RUVBL1: variants seen among roughly 807,000 people sequenced by gnomAD.
RUVBL1 encodes the protein RuvB like AAA ATPase 1.
A neutral mutation model predicts 52.4 loss-of-function variants in RUVBL1; 4 were observed. That is an observed-to-expected ratio of 0.08 (90% confidence interval 0.04 to 0.17). RUVBL1 has a LOEUF of 0.17. Ranked by LOEUF, RUVBL1 falls within the 10% of genes least tolerant of loss-of-function variation. The probability of loss-of-function intolerance (pLI) is 1.00; values close to 1 mark genes in which losing one functional copy is unlikely to be tolerated. For synonymous variants in RUVBL1, 217 were observed against 214.4 expected, an observed-to-expected ratio of 1.01 and a Z score of -0.10; for missense variants, 298 against 572.8, an observed-to-expected ratio of 0.52 and a Z score of 4.90.
At chr3:128,093,968 C>T (rs1360471376) in intron 8 of RUVBL1, among the ~76,000 whole-genome samples, 1 of 152,158 alleles carries the variant, frequency 6.6e-6, no homozygotes, top group Non-Finnish European at 1.5e-5. Flanking sequence ...TCATGCCTTG[C>T]TGGGTTCTCA....
intron 1 of RUVBL1, among the ~76,000 whole-genome samples, chr3:128,131,983 A>G (rs1199014283): frequency 6.6e-6 from 1 of 152,242 alleles, no homozygotes; most frequent in Non-Finnish European, 1.5e-5. Flanking sequence ...CATCAAAGAA[A>G]GAGGCACTAA....
At chr3:128,105,759 G>A (rs777507588) in intron 3 of RUVBL1, among the ~76,000 whole-genome samples, 8 of 152,024 alleles carry the variant, frequency 5.3e-5, no homozygotes, top group Non-Finnish European at 8.8e-5. Flanking sequence ...CAGGTGTTAT[G>A]GGCCTCTGGC....
chr3:128,092,858 A>C (rs527503452), intron 8 of RUVBL1, among the ~76,000 whole-genome samples: 2 of 152,278 alleles, frequency 1.3e-5, no homozygotes, highest in Non-Finnish European at 2.9e-5. Context: ...TAACCGAAAG[A>C]AATAAAAACC....
chr3:128,146,729 G>T (rs1482114716), intron 1 of RUVBL1, among the ~76,000 whole-genome samples: 5 of 152,068 alleles, frequency 3.3e-5, no homozygotes, highest in African/African-American at 1.2e-4. Context: ...GGCCCCATCT[G>T]CCTGCCGCTG....
chr3:128,076,523 T>C (rs758622482), downstream of RUVBL1, among the ~76,000 whole-genome samples: 11 of 152,178 alleles, frequency 7.2e-5, no homozygotes, highest in Admixed American at 1.3e-4. The surrounding 1 kb of genome is among the most constrained non-coding windows in gnomAD (Gnocchi z 6.8). Context: ...TCAAAGATGG[T>C]TGGGACAGTG....
At chr3:128,152,924 G>C (rs1467515668) in intron 1 of RUVBL1, among the ~76,000 whole-genome samples, 14 of 1,286 alleles carry the variant, frequency 0.011, no homozygotes, top group South Asian at 0.02. Context: ...GCCCCCCGCC[G>C]TCCCCCCGCC....
chr3:128,119,485 C>T (rs1473892653), intron 1 of RUVBL1, 71 bp from the exon 2 acceptor site: 6 of 1,258,520 alleles, frequency 4.8e-6, no homozygotes, highest in Non-Finnish European at 4.5e-6. Flanking sequence ...ATCTCAGTCC[C>T]TGGCCTACAC....
intron 8 of RUVBL1, among the ~76,000 whole-genome samples, chr3:128,090,449 G>A (rs1942806146): frequency 6.6e-6 from 1 of 152,194 alleles, no homozygotes; most frequent in East Asian, 1.9e-4. Flanking sequence ...AACCCGGGAG[G>A]CGGAGCTTGC....
chr3:128,152,775 G>A (rs921310722), intron 1 of RUVBL1, among the ~76,000 whole-genome samples: 80 of 151,748 alleles, frequency 5.3e-4, no homozygotes, highest in African/African-American at 1.8e-3. Flanking sequence ...CAAAGAGTGA[G>A]CAGCAGCAAG....
Position 128,074,799 on chromosome 3 carries a change from G to A in RUVBL1, c.940-9579C>T, listed in dbSNP as rs371947252. ...GGTGGTTGCAGTAAGCTGAGATGGC[G>A]CCATTGCATTCCAGCCTGGGCAACA... On this transcript the variant is annotated intron_variant, in intron 9 of 9. Coordinates refer to the RUVBL1 transcript ENST00000464873. Among the ~76,000 whole-genome samples the A allele has an allele frequency of 1.8e-3, 231 of 131,874 alleles. 1 individual carries two copies. The highest frequency in any genetic ancestry group is 6.3e-3 in the African/African-American group (217 of 34,396). The allele number at this position is 131,874 out of a possible 152,430, so 86.5% of individuals were successfully genotyped here.
At chr3:128,109,613 C>G (rs13082038) in intron 3 of RUVBL1, among the ~76,000 whole-genome samples, 21,456 of 151,884 alleles carry the variant, frequency 0.14, 1,721 homozygotes, top group African/African-American at 0.21. Flanking sequence ...CCCACCCCAG[C>G]CTTCCGAGTA....
At chr3:128,076,990 G>C (rs981810359), downstream of RUVBL1, among the ~76,000 whole-genome samples, 2 of 152,016 alleles carry the variant, frequency 1.3e-5, no homozygotes, top group Non-Finnish European at 2.9e-5. This position sits in a 1 kb window ranked among gnomAD's most constrained non-coding sequence, Gnocchi z 6.8. Context: ...GGCGGGTGAC[G>C]GAGCGGGCAA....
chr3:128,123,919 G>C, upstream of RUVBL1: 2 of 1,242,994 alleles, frequency 1.6e-6, no homozygotes. Flanking sequence ...TGCTGCTAGA[G>C]CTCCGGTCAC....
chr3:128,145,608 T>G (rs1375502758), intron 1 of RUVBL1, among the ~76,000 whole-genome samples: 1 of 151,706 alleles, frequency 6.6e-6, no homozygotes, highest in African/African-American at 2.4e-5. Flanking sequence ...AGGTTCAGGG[T>G]CACCAGGCAC....
At chr3:128,115,612 T>C (rs1690614266) in intron 2 of RUVBL1, among the ~76,000 whole-genome samples, 1 of 152,250 alleles carries the variant, frequency 6.6e-6, no homozygotes, top group South Asian at 2.1e-4. Flanking sequence ...ACTTCTCATA[T>C]TTCCTGGGAG....
At chr3:128,089,479 C>A (rs1576446917) in intron 8 of RUVBL1, among the ~76,000 whole-genome samples, 1 of 152,180 alleles carries the variant, frequency 6.6e-6, no homozygotes, top group African/African-American at 2.4e-5. Flanking sequence ...TTAGTCATGT[C>A]AACTGGATTT....
At chr3:128,136,100 AACCT>A (rs1472357261) in intron 1 of RUVBL1, among the ~76,000 whole-genome samples, 1 of 152,132 alleles carries the variant, frequency 6.6e-6, no homozygotes, top group African/African-American at 2.4e-5. Context: ...CAAATTAAAA[AACCT>A]ACAACGCATG....
At chr3:128,100,559 C>T in intron 6 of RUVBL1, 36 bp downstream of exon 6, 1 of 1,562,094 alleles carries the variant, frequency 6.4e-7, no homozygotes, top group Non-Finnish European at 8.6e-7. Flanking sequence ...TACAAAAGGG[C>T]TAATGTGCCA....
intron 3 of RUVBL1, among the ~76,000 whole-genome samples, chr3:128,108,944 A>G (rs1197854277): frequency 6.6e-6 from 1 of 152,244 alleles, no homozygotes; most frequent in Non-Finnish European, 1.5e-5. Flanking sequence ...GCTGAGCTAA[A>G]GAAGCAAGAC....
Sources: gnomAD v4.1 joint callset for allele counts (sites outside exome capture counted in the v4.1 genomes callset) on GRCh38, gnomAD v4.1.1 for gene constraint, Gnocchi (gnomAD v3.1) non-coding constraint, MANE v1.5 for transcripts, NCBI Gene and HGNC (gene_info 2026-07-23, HGNC 2026-07-21) for gene names.